Variants in GOLIM4 observed in about 807,000 individuals in gnomAD.
The protein encoded by GOLIM4 is 130 kDa golgi-localized phosphoprotein.
A neutral mutation model predicts 107.4 loss-of-function variants in GOLIM4; 71 were observed. That is an observed-to-expected ratio of 0.66 (90% confidence interval 0.55 to 0.81). The LOEUF is 0.81. Ranked by LOEUF, GOLIM4 falls within the 30% of genes least tolerant of loss-of-function variation. The probability of loss-of-function intolerance (pLI) is 0.00; values close to 1 mark genes in which losing one functional copy is unlikely to be tolerated. For synonymous variants in GOLIM4, 327 were observed against 294.8 expected, an observed-to-expected ratio of 1.11 and a Z score of -1.12; for missense variants, 830 against 826.1, an observed-to-expected ratio of 1.00 and a Z score of -0.06.
At chr3:168,068,243 T>C (rs1720650302) in intron 1 of GOLIM4, among the ~76,000 whole-genome samples, 2 of 152,098 alleles carry the variant, frequency 1.3e-5, no homozygotes, top group Admixed American at 1.3e-4. Flanking sequence ...AAAACAAATA[T>C]TGAAAATTCA....
intron 1 of GOLIM4, among the ~76,000 whole-genome samples, chr3:168,059,318 C>G (rs953789328): frequency 6.6e-6 from 1 of 152,172 alleles, no homozygotes; most frequent in Non-Finnish European, 1.5e-5. Context: ...CACCTAACTA[C>G]CACTGTCTTC....
At chr3:168,015,769 T>C (rs1337817415) in intron 14 of GOLIM4, among the ~76,000 whole-genome samples, 1 of 133,456 alleles carries the variant, frequency 7.5e-6, no homozygotes, top group Non-Finnish European at 1.5e-5. Flanking sequence ...TTGACAAACC[T>C]GAGAAAAACA....
intron 1 of GOLIM4, among the ~76,000 whole-genome samples, chr3:168,077,578 G>T (rs919050422): frequency 3.9e-5 from 6 of 152,260 alleles, no homozygotes; most frequent in African/African-American, 1.4e-4. Flanking sequence ...ATTATTCCAA[G>T]TTTGTTGTTG....
chr3:168,062,360 A>C (rs1720319301), intron 1 of GOLIM4, among the ~76,000 whole-genome samples: 2 of 151,212 alleles, frequency 1.3e-5, no homozygotes, highest in Admixed American at 6.6e-5. Flanking sequence ...ATGTAGGAAC[A>C]CATTCATGCT....
Position 168,048,318 on chromosome 3 carries a change from T to C in GOLIM4, c.235A>G (p.Arg79Gly), listed in dbSNP as rs1437258175. ...TCCTTTGCTTTTTTATGTTCAAGTC[T>C]TTCTTTTTGCAAGGATTTCTCTAAT... Reference protein sequence around the residue: ...SRLEKSLQKERLEHKKAKEDF... With the variant: ...SRLEKSLQKEGLEHKKAKEDF... Residue 79 changes from arginine (R) to glycine (G), a missense_variant, in exon 2 of 16, where the codon AGA becomes GGA. Physicochemically the swap from Arg to Gly is moderately radical, Grantham distance 125 (BLOSUM62 -2). Transcript: ENST00000470487. 1.3e-6 allele frequency: 2 copies of C among 1,536,326 alleles called. No homozygotes were observed. The highest frequency in any genetic ancestry group is 1.8e-6 in the Non-Finnish European group (2 of 1,117,404).
chr3:168,084,699 TG>T (rs1238385482), intron 1 of GOLIM4, among the ~76,000 whole-genome samples: 2 of 152,102 alleles, frequency 1.3e-5, no homozygotes, highest in Admixed American at 1.3e-4. Flanking sequence ...GATTTTGAAA[TG>T]GGGTGCTGTC....
intron 1 of GOLIM4, among the ~76,000 whole-genome samples, chr3:168,068,168 C>A (rs911417781): frequency 2.6e-5 from 4 of 152,008 alleles, no homozygotes; most frequent in African/African-American, 9.7e-5. Flanking sequence ...TACTGCACTA[C>A]AGAATTAAAA....
At chr3:168,067,086 T>C (rs1467985280) in intron 1 of GOLIM4, among the ~76,000 whole-genome samples, 2 of 152,130 alleles carry the variant, frequency 1.3e-5, no homozygotes, top group Non-Finnish European at 2.9e-5. Flanking sequence ...TAGTCAGTAT[T>C]CATGCTTAGT....
intron 1 of GOLIM4, among the ~76,000 whole-genome samples, chr3:168,058,059 T>C (rs1289210241): frequency 1.3e-5 from 2 of 152,194 alleles, no homozygotes; most frequent in Admixed American, 6.5e-5. Context: ...AGTTAAATAA[T>C]AGTCCTGAAA....
Position 168,095,217 on chromosome 3 carries a change from C to T in GOLIM4, c.69G>A (p.Val23=), listed in dbSNP as rs1722118905. The change falls in exon 1 of 16, where the codon GTG becomes GTA. Residue 23 remains valine, a synonymous_variant. Coordinates refer to ENST00000470487, the MANE Select transcript of GOLIM4 (RefSeq NM_014498.5). ...GCATCGCGCCGTAGAGAAAGCCGAA[C>T]ACGACGGTCAGCAGCAGCAGCGTCT... ...IFQTLLLLTV[V]FGFLYGAMLY... is the part of the protein sequence containing the mutation. The T allele has an allele frequency of 3.1e-6, 5 of 1,613,734 alleles. 1 individual carries two copies.
rs200851581 is a variant in GOLIM4 at position 168,075,557 on chromosome 3, C to T, written c.187+19542G>A. On this transcript the variant is annotated intron_variant, in intron 1 of 15. Transcript: ENST00000470487. ...TCGTGATCCGCCTGCCTCGGCCTCC[C>T]AAAGTGCTGGGATTACAGCATTCAC... Among the ~76,000 whole-genome samples, 15 of 152,108 alleles carry T rather than the reference C, an allele frequency of 9.9e-5. No individual in the cohort carries two copies. The East Asian group carries it at 2.9e-3, about 29-fold the overall frequency.
At chr3:168,065,542 C>T (rs1414161387) in intron 1 of GOLIM4, among the ~76,000 whole-genome samples, 1 of 152,186 alleles carries the variant, frequency 6.6e-6, no homozygotes, top group Non-Finnish European at 1.5e-5. Flanking sequence ...TTTTCTGACA[C>T]TGAATAAATA....
chr3:168,064,245 C>T (rs747824810), intron 1 of GOLIM4, among the ~76,000 whole-genome samples: 1 of 152,196 alleles, frequency 6.6e-6, no homozygotes, highest in Non-Finnish European at 1.5e-5. Context: ...CCCACTACTA[C>T]ACTGTGGGGC....
At chr3:168,022,783 A>T (rs1717782313) in intron 14 of GOLIM4, among the ~76,000 whole-genome samples, 1 of 152,182 alleles carries the variant, frequency 6.6e-6, no homozygotes, top group South Asian at 2.1e-4. Flanking sequence ...CACATGCTGG[A>T]GGAGGCCTGA....
chr3:168,059,898 T>C lies in GOLIM4; in HGVS notation c.188-11533A>G, dbSNP rs927131677. On this transcript the variant is annotated intron_variant, in intron 1 of 15. Coordinates refer to ENST00000470487, the MANE Select transcript of GOLIM4 (RefSeq NM_014498.5). Reference sequence around the variant, plus strand: ...TATCTAGGGGGAGACTCTTCCAAAATAGAGGGAGTAACCCATAGGAAAGCT... The same window carrying C: ...TATCTAGGGGGAGACTCTTCCAAAACAGAGGGAGTAACCCATAGGAAAGCT... 3.3e-5 allele frequency among the ~76,000 whole-genome samples: 5 copies of C among 152,090 alleles called. No individual in the cohort carries two copies. The South Asian group carries it at 8.3e-4, about 25-fold the overall frequency.
intron 5 of GOLIM4, among the ~76,000 whole-genome samples, chr3:168,042,769 T>G (rs368410757): frequency 6.6e-6 from 1 of 152,354 alleles, no homozygotes; most frequent in East Asian, 1.9e-4. Flanking sequence ...CTACTCTACA[T>G]GCTTTATGTA....
intron 9 of GOLIM4, among the ~76,000 whole-genome samples, chr3:168,031,987 G>T (rs1718360595): frequency 6.6e-6 from 1 of 152,164 alleles, no homozygotes; most frequent in Non-Finnish European, 1.5e-5. Flanking sequence ...TGTCCAGTAA[G>T]GGATCCTGAG....
chr3:168,042,738 G>A (rs540603660), intron 5 of GOLIM4, among the ~76,000 whole-genome samples: 1 of 152,228 alleles, frequency 6.6e-6, no homozygotes, highest in Admixed American at 6.5e-5. Context: ...AGATGTTGAT[G>A]GGTAGCAAAT....
chr3:168,087,455 T>C (rs969573426), intron 1 of GOLIM4, among the ~76,000 whole-genome samples: 3 of 152,186 alleles, frequency 2.0e-5, no homozygotes, highest in Non-Finnish European at 2.9e-5. Context: ...AGTTTTTCAT[T>C]ATATGATTCA....
Sources: allele counts gnomAD v4.1 joint callset (sites outside exome capture counted in the v4.1 genomes callset), GRCh38; gene constraint gnomAD v4.1.1; transcripts MANE v1.5; gene names NCBI Gene and HGNC (gene_info 2026-07-23, HGNC 2026-07-21).